The following EXOC6 variants were observed in gnomAD, a reference collection of about 807,000 sequenced individuals.
The protein encoded by EXOC6 is exocyst complex component 6, also known as SEC15-like 1.
A neutral mutation model predicts 112.5 loss-of-function variants in EXOC6; 60 were observed. The ratio of observed to expected loss-of-function variants is 0.53; its 90% confidence interval spans 0.43 to 0.66. The LOEUF is 0.66. Among genes scored for constraint, EXOC6 ranks in the 30% least tolerant of loss-of-function variants. The probability of loss-of-function intolerance (pLI) is 0.00; values close to 1 mark genes in which losing one functional copy is unlikely to be tolerated. For missense variants in EXOC6, 855 were observed against 957.1 expected (o/e 0.89, Z 1.41); for synonymous variants, 295 against 308.0 (o/e 0.96, Z 0.44).
chr10:92,873,248 A>G (rs964933869), intron 1 of EXOC6, among the ~76,000 whole-genome samples: 1 of 152,192 alleles, frequency 6.6e-6, no homozygotes, highest in African/African-American at 2.4e-5. Flanking sequence ...TTATGAATTC[A>G]GGTTTCACCA....
chr10:92,885,236 G>C (rs1849153461), intron 1 of EXOC6, among the ~76,000 whole-genome samples: 1 of 152,104 alleles, frequency 6.6e-6, no homozygotes. Flanking sequence ...AAATGTGTTT[G>C]ATACTTAAAA....
chr10:92,837,881 C>T (rs984574353), intron 1 of EXOC6, among the ~76,000 whole-genome samples: 2 of 152,132 alleles, frequency 1.3e-5, no homozygotes, highest in South Asian at 2.1e-4. Flanking sequence ...AATACTGAAG[C>T]GTTTACCTAC....
At chr10:92,923,257 C>T (rs1180082303) in intron 8 of EXOC6, among the ~76,000 whole-genome samples, 1 of 152,202 alleles carries the variant, frequency 6.6e-6, no homozygotes, top group Non-Finnish European at 1.5e-5. Flanking sequence ...CTTTCACTTT[C>T]TTCACTTCTT....
intron 1 of EXOC6, among the ~76,000 whole-genome samples, chr10:92,875,732 T>C (rs936462479): frequency 6.6e-6 from 1 of 152,182 alleles, no homozygotes; most frequent in Non-Finnish European, 1.5e-5. Context: ...AGTTTTTCTA[T>C]GTAAAGTGGA....
chr10:92,865,507 A>G (rs1848130619), intron 1 of EXOC6, among the ~76,000 whole-genome samples: 2 of 151,460 alleles, frequency 1.3e-5, no homozygotes, highest in Admixed American at 1.3e-4. Context: ...ACTGCACTCC[A>G]GCCTGGGCGA....
chr10:92,989,095 T>G (rs1485062100), intron 18 of EXOC6, among the ~76,000 whole-genome samples: 2 of 152,234 alleles, frequency 1.3e-5, no homozygotes, highest in African/African-American at 4.8e-5. Flanking sequence ...CTTCTTTTCC[T>G]TATTGTAGAA....
At chr10:92,957,826 T>C (rs367778167) in intron 17 of EXOC6, among the ~76,000 whole-genome samples, 11 of 152,286 alleles carry the variant, frequency 7.2e-5, no homozygotes, top group African/African-American at 2.2e-4. Context: ...ACTGGGGAAT[T>C]TCCATTCATA....
chr10:92,884,798 C>CA (rs1311605754), intron 1 of EXOC6, among the ~76,000 whole-genome samples: 4 of 151,764 alleles, frequency 2.6e-5, no homozygotes, highest in African/African-American at 7.3e-5. Context: ...TGCTTTTTAA[C>CA]AAAAAATATA....
chr10:92,849,575 A>G (rs1847225675), intron 1 of EXOC6, among the ~76,000 whole-genome samples: 1 of 152,174 alleles, frequency 6.6e-6, no homozygotes, highest in South Asian at 2.1e-4. Flanking sequence ...GTTATTATTC[A>G]CTTAGGGAAC....
chr10:92,896,017 A>G (rs1432688248), intron 4 of EXOC6, among the ~76,000 whole-genome samples: 3 of 142,640 alleles, frequency 2.1e-5, no homozygotes, highest in Non-Finnish European at 4.5e-5. Flanking sequence ...ATGTGTATAT[A>G]TGTGTATATA....
chr10:92,910,675 A>T (rs1043518155), intron 6 of EXOC6, among the ~76,000 whole-genome samples: 9 of 152,210 alleles, frequency 5.9e-5, no homozygotes, highest in African/African-American at 2.2e-4. Flanking sequence ...TCACACCTGT[A>T]ATCCCAGCAC....
At chr10:92,943,218 C>T (rs971740212) in intron 13 of EXOC6, among the ~76,000 whole-genome samples, 7 of 151,982 alleles carry the variant, frequency 4.6e-5, no homozygotes, top group Admixed American at 4.6e-4. Flanking sequence ...TGGTGTTTCG[C>T]CGTGTTAGCC....
At chr10:92,847,142 C>T (rs371441387), upstream of EXOC6, among the ~76,000 whole-genome samples, 7 of 152,296 alleles carry the variant, frequency 4.6e-5, no homozygotes, top group East Asian at 5.8e-4. Flanking sequence ...AGACTTCTAA[C>T]GTACAGAACT....
chr10:92,896,177 ATATAT>A (rs1849802465), intron 4 of EXOC6, among the ~76,000 whole-genome samples: 1 of 16,164 alleles, frequency 6.2e-5, no homozygotes, highest in African/African-American at 3.0e-4. Flanking sequence ...ATATATATAT[ATATAT>A]TTTTTTTTTT....
rs757564024 is a variant in EXOC6 at position 93,058,358 on chromosome 10, C to G, written c.*3C>G. 1 of 1,593,152 alleles carries G rather than the reference C, an allele frequency of 6.3e-7. No individual in the cohort carries two copies. The highest frequency in any genetic ancestry group is 1.4e-5 in the African/African-American group (1 of 73,848). ...ATGGTATGTCCCAGCACATGTAGAC[C>G]TCACATGGCTTGCACTCAGTGACAC... On this transcript the variant is annotated 3_prime_UTR_variant, in exon 22 of 22. Transcript: ENST00000260762.
In EXOC6 at chr10:92,997,490, CA is replaced by C; in HGVS notation, c.1971del (p.Ala658LeufsTer13). On this transcript the variant is annotated frameshift_variant, in exon 19 of 22. Coordinates refer to ENST00000260762, the MANE Select transcript of EXOC6 (RefSeq NM_019053.6). LOFTEE classifies it high-confidence loss of function. ...TTTAAACAGGGGAAAGTTGCTCAGA[CA>C]GCTTGCATGTCAGCCTGCCAGCATC... ...FTHLPGKVAQ[T>X]ACMSACQHLS... The C allele has an allele frequency of 6.2e-7, 1 of 1,611,178 alleles. No homozygotes were observed. Among genetic ancestry groups the C allele is most frequent in the Non-Finnish European group, 8.5e-7 (1 of 1,178,352 alleles).
intron 17 of EXOC6, among the ~76,000 whole-genome samples, chr10:92,964,967 A>G (rs2134053924): frequency 6.6e-6 from 1 of 152,308 alleles, no homozygotes. Context: ...AAAGGAAGAG[A>G]AACTGTCTCC....
At chr10:92,976,701 T>C (rs1206564807) in intron 18 of EXOC6, among the ~76,000 whole-genome samples, 2 of 150,288 alleles carry the variant, frequency 1.3e-5, no homozygotes, top group Non-Finnish European at 3.0e-5. Flanking sequence ...ACATAATTAA[T>C]GGCTTTTCCA....
At chr10:92,957,696 G>A (rs1373454430) in intron 17 of EXOC6, among the ~76,000 whole-genome samples, 1 of 152,152 alleles carries the variant, frequency 6.6e-6, no homozygotes, top group Non-Finnish European at 1.5e-5. Flanking sequence ...TGAAGGTCAA[G>A]TATTTTTCAG....
Sources: gnomAD v4.1 joint callset for allele counts (sites outside exome capture counted in the v4.1 genomes callset) on GRCh38, gnomAD v4.1.1 for gene constraint, MANE v1.5 for transcripts, NCBI Gene and HGNC (gene_info 2026-07-23, HGNC 2026-07-21) for gene names.